CCDC91: variants seen among roughly 807,000 people sequenced by gnomAD.
The protein encoded by CCDC91 is coiled-coil domain-containing protein 91.
CCDC91 carries 48 observed loss-of-function variants against 63.2 expected under a neutral mutation model. The ratio of observed to expected loss-of-function variants is 0.76; its 90% CI spans 0.60 to 0.97. The LOEUF is 0.97. Among genes scored for constraint, CCDC91 ranks in the 50% least tolerant of loss-of-function variants. CCDC91 has a pLI of 0.00. For missense variants in CCDC91, 500 were observed against 494.6 expected, an observed-to-expected ratio of 1.01 and a Z score of -0.10; for synonymous variants, 167 against 165.8, an observed-to-expected ratio of 1.01 and a Z score of -0.06.
chr12:28,471,219 A>T (rs1467900516), intron 11 of CCDC91, among the ~76,000 whole-genome samples: 1 of 152,176 alleles, frequency 6.6e-6, no homozygotes, highest in Non-Finnish European at 1.5e-5. Context: ...GGAAAAAACA[A>T]TGTGCAAATT....
At chr12:28,488,084 C>T (rs1418283821) in intron 12 of CCDC91, among the ~76,000 whole-genome samples, 1 of 151,702 alleles carries the variant, frequency 6.6e-6, no homozygotes, top group Non-Finnish European at 1.5e-5. Flanking sequence ...AAATTAAGTA[C>T]TTAATCAGTT....
chr12:28,535,186 C>A (rs1942050941), intron 12 of CCDC91, among the ~76,000 whole-genome samples: 1 of 152,050 alleles, frequency 6.6e-6, no homozygotes, highest in Non-Finnish European at 1.5e-5. Flanking sequence ...CTTGGTATTT[C>A]CTGAATACTT....
At chr12:28,518,094 A>G (rs185826216) in intron 12 of CCDC91, among the ~76,000 whole-genome samples, 124 of 151,966 alleles carry the variant, frequency 8.2e-4, no homozygotes, top group Non-Finnish European at 1.6e-3. Context: ...TGCTATAAAC[A>G]TGTGTGTGCA....
intron 1 of CCDC91, among the ~76,000 whole-genome samples, chr12:28,210,413 C>T (rs991588319): frequency 3.0e-4 from 45 of 152,108 alleles, no homozygotes; most frequent in African/African-American, 1.0e-3. Flanking sequence ...TTTATATAAA[C>T]ATTACACACA....
chr12:28,519,705 G>A (rs1370163718), intron 12 of CCDC91, among the ~76,000 whole-genome samples: 1 of 147,280 alleles, frequency 6.8e-6, no homozygotes, highest in African/African-American at 2.5e-5. Flanking sequence ...ATCTCCTAAT[G>A]CTATCCCTCC....
At chr12:28,298,317 G>A (rs1436604435) in intron 3 of CCDC91, among the ~76,000 whole-genome samples, 1 of 149,406 alleles carries the variant, frequency 6.7e-6, no homozygotes, top group Non-Finnish European at 1.5e-5. Flanking sequence ...AGAAAGGCTT[G>A]CATCTCCAAA....
chr12:28,429,579 A>T (rs1462296463), intron 8 of CCDC91, among the ~76,000 whole-genome samples: 1 of 152,108 alleles, frequency 6.6e-6, no homozygotes, highest in Non-Finnish European at 1.5e-5. Context: ...TCAATTCTTG[A>T]CTTTTTAGGG....
At position 28,421,512 on chromosome 12, in the gene CCDC91, A is replaced by G. The variant is rs180845088; in HGVS notation, c.763-28649A>G. On this transcript the variant is annotated intron_variant, in intron 8 of 12. Coordinates refer to ENST00000536442, the MANE Select transcript of CCDC91 (RefSeq NM_018318.5). The stretch of plus-strand genomic sequence containing the variant: ...GCTTAGGAAAATGACCTCCGGCTCC[A>G]TCCATGCTGCAGCAAAGGATGTGAT... 5.1e-3 allele frequency among the ~76,000 whole-genome samples: 768 copies of G among 149,258 alleles called. 4 individuals are homozygous for G. The highest frequency in any genetic ancestry group is 8.0e-3 in the Non-Finnish European group (540 of 67,590).
intron 12 of CCDC91, among the ~76,000 whole-genome samples, chr12:28,544,512 T>C (rs1025861613): frequency 2.0e-5 from 3 of 151,996 alleles, no homozygotes; most frequent in Non-Finnish European, 4.4e-5. Flanking sequence ...AAAAGTAACA[T>C]TGATAAAGGT....
chr12:28,344,098 A>AG (rs1457655220), intron 6 of CCDC91, among the ~76,000 whole-genome samples: 1 of 152,114 alleles, frequency 6.6e-6, no homozygotes, highest in East Asian at 1.9e-4. Flanking sequence ...AGGAAAAAAA[A>AG]TAGTGCAGTG....
chr12:28,478,478 C>CT (rs1466422300), intron 11 of CCDC91, among the ~76,000 whole-genome samples: 2 of 152,216 alleles, frequency 1.3e-5, no homozygotes, highest in African/African-American at 4.8e-5. Flanking sequence ...GGATTAAAGA[C>CT]TTAAATGTTA....
At chr12:28,392,005 G>C (rs1164964758) in intron 8 of CCDC91, among the ~76,000 whole-genome samples, 1 of 152,056 alleles carries the variant, frequency 6.6e-6, no homozygotes, top group Non-Finnish European at 1.5e-5. Flanking sequence ...ACTTCATATA[G>C]AGCATCTGTG....
intron 1 of CCDC91, among the ~76,000 whole-genome samples, chr12:28,243,397 G>A (rs1317543259): frequency 1.3e-5 from 2 of 152,152 alleles, no homozygotes; most frequent in Admixed American, 1.3e-4. Context: ...AGTTAAACAT[G>A]TTTAAAATGT....
chr12:28,363,893 A>C (rs1050379338), intron 7 of CCDC91, among the ~76,000 whole-genome samples: 1 of 149,540 alleles, frequency 6.7e-6, no homozygotes, highest in Non-Finnish European at 1.5e-5. Context: ...AAAAAAAAAA[A>C]AAAAAGAAAA....
intron 1 of CCDC91, among the ~76,000 whole-genome samples, chr12:28,194,217 C>T (rs991793596): frequency 3.3e-5 from 5 of 152,034 alleles, no homozygotes; most frequent in African/African-American, 1.2e-4. Context: ...TTAATTTTTG[C>T]ATATAGTGTG....
chr12:28,286,986 T>C (rs1948952148), intron 3 of CCDC91, among the ~76,000 whole-genome samples: 1 of 152,114 alleles, frequency 6.6e-6, no homozygotes, highest in Admixed American at 6.5e-5. Context: ...CTTTTTTTCA[T>C]ATGCTTGTTG....
intron 8 of CCDC91, among the ~76,000 whole-genome samples, chr12:28,423,230 A>G (rs1172222142): frequency 1.3e-5 from 2 of 152,146 alleles, no homozygotes; most frequent in African/African-American, 4.8e-5. Context: ...AAAATTCTTA[A>G]CTTTCAAAAA....
intron 7 of CCDC91, among the ~76,000 whole-genome samples, chr12:28,388,639 G>C (rs1424593034): frequency 1.3e-5 from 2 of 152,126 alleles, no homozygotes; most frequent in East Asian, 3.9e-4. Context: ...TCCCATGCTC[G>C]TGGAAGGGTA....
chr12:28,308,583 G>T (rs1335840008), intron 6 of CCDC91, among the ~76,000 whole-genome samples: 1 of 151,710 alleles, frequency 6.6e-6, no homozygotes. Flanking sequence ...TCTTTTCCTT[G>T]CCTCTTTTTC....
Sources: allele counts gnomAD v4.1 joint callset (sites outside exome capture counted in the v4.1 genomes callset), GRCh38; gene constraint gnomAD v4.1.1; transcripts MANE v1.5; gene names NCBI Gene and HGNC (gene_info 2026-07-23, HGNC 2026-07-21).